The following ZNF704 variants were observed in gnomAD, a reference collection of about 807,000 sequenced individuals.
ZNF704 encodes glucocorticoid induced gene 1.
In ZNF704, 10 loss-of-function variants were observed where a neutral mutation model predicts 44.7. That is an observed-to-expected ratio of 0.22 (90% CI 0.14 to 0.38). The LOEUF (loss-of-function observed/expected upper bound fraction) is 0.38. Among genes scored for constraint, ZNF704 ranks in the 10% least tolerant of loss-of-function variants. The pLI, the probability that ZNF704 is intolerant of heterozygous loss-of-function variation, is 1.00. For synonymous variants in ZNF704, 211 were observed against 207.6 expected (o/e 1.02, Z -0.14); for missense variants, 390 against 545.5 (o/e 0.71, Z 2.84).
chr8:80,713,394 A>T (rs1819023641), intron 2 of ZNF704, among the ~76,000 whole-genome samples: 1 of 152,200 alleles, frequency 6.6e-6, no homozygotes, highest in Non-Finnish European at 1.5e-5. Context: ...TGCGGCTCGA[A>T]TTATAGATTT....
At chr8:80,840,515 AC>A (rs1423492687) in intron 1 of ZNF704, among the ~76,000 whole-genome samples, 21 of 152,332 alleles carry the variant, frequency 1.4e-4, no homozygotes, top group African/African-American at 4.6e-4. Flanking sequence ...AGTTCCAGTT[AC>A]TAAGCCCTTA....
At chr8:80,849,267 GCA>G (rs1047752331) in intron 1 of ZNF704, among the ~76,000 whole-genome samples, 5 of 152,160 alleles carry the variant, frequency 3.3e-5, no homozygotes, top group Admixed American at 1.3e-4. Context: ...TTATCCAGAT[GCA>G]CAGACTTATC....
intron 2 of ZNF704, among the ~76,000 whole-genome samples, chr8:80,736,514 G>T (rs1489212762): frequency 6.6e-6 from 1 of 152,114 alleles, no homozygotes; most frequent in Non-Finnish European, 1.5e-5. Context: ...TCCTGACCTC[G>T]TGATCCACCC....
intron 4 of ZNF704, among the ~76,000 whole-genome samples, chr8:80,674,184 C>G (rs1004764476): frequency 6.6e-6 from 1 of 152,180 alleles, no homozygotes; most frequent in Non-Finnish European, 1.5e-5. Flanking sequence ...CCTCCTTGGG[C>G]CAGTGATCTA....
At chr8:80,883,351 T>C in the ZNF704 span, among the ~76,000 whole-genome samples, 2 of 152,148 alleles carry the variant, frequency 1.3e-5, no homozygotes, top group East Asian at 3.8e-4. Flanking sequence ...CTAGCCATTT[T>C]AATGTATTTA....
chr8:80,649,815 G>A (rs1817887731), intron 7 of ZNF704, among the ~76,000 whole-genome samples: 2 of 152,220 alleles, frequency 1.3e-5, no homozygotes, highest in South Asian at 4.1e-4. Flanking sequence ...GAAGAGAGCA[G>A]TGATTCTCCC....
At chr8:80,880,612 G>A in the ZNF704 span, among the ~76,000 whole-genome samples, 3 of 152,092 alleles carry the variant, frequency 2.0e-5, no homozygotes, top group African/African-American at 7.2e-5. Context: ...TATATAACTT[G>A]TAGATGTTTA....
At chr8:80,844,941 A>C (rs1808744801) in intron 1 of ZNF704, among the ~76,000 whole-genome samples, 1 of 151,874 alleles carries the variant, frequency 6.6e-6, no homozygotes, top group Non-Finnish European at 1.5e-5. Context: ...CGGCCTCCCA[A>C]AGTGCTGGTA....
intron 2 of ZNF704, among the ~76,000 whole-genome samples, chr8:80,789,695 T>C (rs750057543): frequency 2.0e-5 from 3 of 152,164 alleles, no homozygotes; most frequent in Non-Finnish European, 4.4e-5. Flanking sequence ...TAAGCTATGA[T>C]GGAACCACTG....
intron 3 of ZNF704, among the ~76,000 whole-genome samples, chr8:80,692,015 A>G (rs1264137570): frequency 6.6e-6 from 1 of 151,930 alleles, no homozygotes; most frequent in Non-Finnish European, 1.5e-5. Flanking sequence ...TGTGACCACC[A>G]AGATCTTTTT....
intron 6 of ZNF704, among the ~76,000 whole-genome samples, chr8:80,662,427 A>G (rs552472048): frequency 6.6e-6 from 1 of 152,314 alleles, no homozygotes; most frequent in African/African-American, 2.4e-5. Context: ...TATATAGATG[A>G]GCAAAATGAT....
intron 2 of ZNF704, among the ~76,000 whole-genome samples, chr8:80,746,378 G>A (rs1270258193): frequency 6.6e-6 from 1 of 152,076 alleles, no homozygotes; most frequent in Admixed American, 6.5e-5. Flanking sequence ...TTTATGTCCT[G>A]GTCTATTACC....
intron 1 of ZNF704, among the ~76,000 whole-genome samples, chr8:80,850,378 A>AT (rs1476476921): frequency 6.6e-6 from 1 of 152,116 alleles, no homozygotes; most frequent in African/African-American, 2.4e-5. Flanking sequence ...CATGCATGAG[A>AT]TAAAAAGTAC....
At chr8:80,818,491 C>G (rs1304291257) in intron 2 of ZNF704, among the ~76,000 whole-genome samples, 1 of 152,080 alleles carries the variant, frequency 6.6e-6, no homozygotes, top group Non-Finnish European at 1.5e-5. Context: ...CTAGCACATC[C>G]TCTGGTATAC....
chr8:80,670,612 G>A lies in ZNF704; in HGVS notation c.559-9C>T, dbSNP rs777348992. ...ATCACCTTCATGGAATTCTGTAAAG[G>A]GGAGAGAGTGATATTAGAATGGAAA... On this transcript the variant is annotated splice_polypyrimidine_tract_variant and intron_variant, in intron 4 of 8. Transcript: ENST00000327835. 4.5e-6 allele frequency: 7 copies of A among 1,565,694 alleles called. No homozygotes were observed. The African/African-American group carries it at 8.1e-5, about 18-fold the overall frequency.
chr8:80,747,878 G>C (rs1047607362), intron 2 of ZNF704, among the ~76,000 whole-genome samples: 1 of 152,036 alleles, frequency 6.6e-6, no homozygotes, highest in Non-Finnish European at 1.5e-5. Context: ...CACCACACCT[G>C]GCTAATTTTT....
intron 7 of ZNF704, among the ~76,000 whole-genome samples, chr8:80,655,300 C>A (rs575440073): frequency 6.6e-6 from 1 of 151,330 alleles, no homozygotes; most frequent in Non-Finnish European, 1.5e-5. Context: ...CAAACCTGCA[C>A]GTTGGGCACA....
intron 2 of ZNF704, among the ~76,000 whole-genome samples, chr8:80,777,933 C>A (rs1014271347): frequency 1.6e-4 from 25 of 151,888 alleles, no homozygotes; most frequent in African/African-American, 5.3e-4. Flanking sequence ...ACACCTCACC[C>A]CTAAATATTT....
intron 1 of ZNF704, among the ~76,000 whole-genome samples, chr8:80,872,100 C>G (rs1242327443): frequency 6.6e-6 from 1 of 152,184 alleles, no homozygotes; most frequent in East Asian, 1.9e-4. Flanking sequence ...TTCAGTATTT[C>G]TGGACAAAAA....
Sources: allele counts gnomAD v4.1 joint callset (sites outside exome capture counted in the v4.1 genomes callset), GRCh38; gene constraint gnomAD v4.1.1; transcripts MANE v1.5; gene names NCBI Gene and HGNC (gene_info 2026-07-23, HGNC 2026-07-21).